SLC30A4: variants seen among roughly 807,000 people sequenced by gnomAD.
SLC30A4 encodes the protein probable proton-coupled zinc antiporter SLC30A4.
In SLC30A4, 20 loss-of-function variants were observed where a neutral mutation model predicts 41.7. That is an observed-to-expected ratio of 0.48 (90% CI 0.34 to 0.70). The LOEUF is 0.70. Among genes scored for constraint, SLC30A4 ranks in the 30% least tolerant of loss-of-function variants. The pLI, the probability that SLC30A4 is intolerant of heterozygous loss-of-function variation, is 0.01. For missense variants in SLC30A4, 441 were observed against 529.3 expected, an observed-to-expected ratio of 0.83 and a Z score of 1.64; for synonymous variants, 181 against 195.9, an observed-to-expected ratio of 0.92 and a Z score of 0.64.
chr15:45,507,368 A>C (rs1047512085), intron 3 of SLC30A4, among the ~76,000 whole-genome samples: 1 of 141,028 alleles, frequency 7.1e-6, no homozygotes, highest in Non-Finnish European at 1.6e-5. Flanking sequence ...AATAAATTTC[A>C]GGAATAATTT....
chr15:45,514,279 G>A (rs1227327483), intron 2 of SLC30A4, among the ~76,000 whole-genome samples: 4 of 151,440 alleles, frequency 2.6e-5, no homozygotes, highest in African/African-American at 9.7e-5. Context: ...AGGAGGCGGA[G>A]GTTACGGGGA....
At chr15:45,488,087 T>A (rs1891743283) in intron 5 of SLC30A4, among the ~76,000 whole-genome samples, 1 of 152,006 alleles carries the variant, frequency 6.6e-6, no homozygotes, top group Non-Finnish European at 1.5e-5. Context: ...TACTCAGCTC[T>A]GGAAAAAGTT....
chr15:45,488,976 G>T lies in SLC30A4; in HGVS notation c.759C>A (p.Ser253=), dbSNP rs1367739498. 1 of 1,613,902 alleles carries T rather than the reference G, an allele frequency of 6.2e-7. No individual in the cohort carries two copies. Among genetic ancestry groups the T allele is most frequent in the African/African-American group, 1.3e-5 (1 of 74,898 alleles). Residue 253 remains serine (S), a synonymous_variant, in exon 5 of 8, where the codon TCC becomes TCA. Coordinates refer to ENST00000261867, the MANE Select transcript of SLC30A4 (RefSeq NM_013309.6). ...GTTCACACCCAGAACCTCTGGTAGG[G>T]GAATTTGAAGGCAGGGAGTGGGAAT... is the stretch of plus-strand genomic sequence containing the variant. The part of the protein sequence containing the change: ...HSHSHSLPSN[S]PTRGSGCERN...
intron 3 of SLC30A4, among the ~76,000 whole-genome samples, chr15:45,501,567 C>T (rs1892035048): frequency 6.6e-6 from 1 of 152,168 alleles, no homozygotes; most frequent in Non-Finnish European, 1.5e-5. Context: ...GTGGCGTGCA[C>T]ATAGCTCACT....
chr15:45,486,835 T>C (rs541461255), intron 6 of SLC30A4, 90 bp from the exon 7 acceptor site: 2 of 699,754 alleles, frequency 2.9e-6, no homozygotes, highest in Non-Finnish European at 4.5e-6. Context: ...AGAAAACAAA[T>C]GGCTTTGCTA....
At chr15:45,494,412 C>T (rs1035492659) in intron 3 of SLC30A4, among the ~76,000 whole-genome samples, 3 of 152,104 alleles carry the variant, frequency 2.0e-5, no homozygotes, top group African/African-American at 7.2e-5. Flanking sequence ...AGGCTGGGTG[C>T]GGTAGCTCAT....
At chr15:45,507,319 C>T in intron 3 of SLC30A4, among the ~76,000 whole-genome samples, 1 of 43,246 alleles carries the variant, frequency 2.3e-5, no homozygotes, top group East Asian at 7.8e-4. Flanking sequence ...GACTCTGTCT[C>T]AAAAATAAAT....
chr15:45,493,453 T>C (rs1044294784), intron 3 of SLC30A4, among the ~76,000 whole-genome samples: 2 of 152,212 alleles, frequency 1.3e-5, no homozygotes, highest in East Asian at 3.8e-4. Context: ...CACATTTTCA[T>C]TTCAATTTAT....
chr15:45,520,845 A>T, intron 2 of SLC30A4: 1 of 339,126 alleles, frequency 2.9e-6, no homozygotes, highest in South Asian at 2.5e-5. Flanking sequence ...TGCCTAAATG[A>T]GTCACAATGT....
intron 2 of SLC30A4, chr15:45,515,799 G>C (rs567232097): frequency 1.9e-4 from 28 of 150,408 alleles, no homozygotes; most frequent in South Asian, 1.0e-3. Flanking sequence ...CCAGGCTGGA[G>C]AGCAATTGCA....
At chr15:45,505,242 A>G (rs1349976621) in intron 3 of SLC30A4, among the ~76,000 whole-genome samples, 1 of 151,242 alleles carries the variant, frequency 6.6e-6, no homozygotes, top group Non-Finnish European at 1.5e-5. Flanking sequence ...AAAAATTAAA[A>G]AAAAAAAAAA....
Position 45,522,449 on chromosome 15 carries a change from G to A in SLC30A4, c.-95C>T. The A allele has an allele frequency of 8.4e-7, 1 of 1,190,022 alleles. No homozygotes were observed. Among genetic ancestry groups the A allele is most frequent in the Non-Finnish European group, 1.2e-6 (1 of 864,114 alleles). 73.7% of individuals were successfully genotyped at this position (1,190,022 alleles called of 1,614,324 possible). ...CGGAGCGCCAGTTCTCGAGGGCAGT[G>A]CCGCGCGTCCCTCCCCATCCTGTGG... On this transcript the variant is annotated 5_prime_UTR_variant, in exon 2 of 8. Transcript: ENST00000261867.
chr15:45,510,204 A>G (rs1854629877), intron 3 of SLC30A4, among the ~76,000 whole-genome samples: 1 of 151,378 alleles, frequency 6.6e-6, no homozygotes, highest in Non-Finnish European at 1.5e-5. Flanking sequence ...AAAGAAACAA[A>G]AAGTTTACTG....
chr15:45,519,105 T>A (rs994020366), intron 2 of SLC30A4, among the ~76,000 whole-genome samples: 2 of 151,576 alleles, frequency 1.3e-5, no homozygotes, highest in Non-Finnish European at 2.9e-5. Context: ...GCTCTCAAAC[T>A]CCTGACCTCA....
intron 3 of SLC30A4, among the ~76,000 whole-genome samples, chr15:45,508,979 T>G (rs373681797): frequency 1.3e-5 from 2 of 152,230 alleles, no homozygotes; most frequent in African/African-American, 4.8e-5. Context: ...AGTGTTTCAC[T>G]GCTTTCATCA....
At chr15:45,494,967 T>C (rs1326390891) in intron 3 of SLC30A4, among the ~76,000 whole-genome samples, 1 of 152,080 alleles carries the variant, frequency 6.6e-6, no homozygotes, top group Non-Finnish European at 1.5e-5. Context: ...AAGACCAGCC[T>C]GAGCAACACA....
At chr15:45,486,492 T>C (rs991370094) in intron 7 of SLC30A4, 119 bp downstream of exon 7, 14 of 935,368 alleles carry the variant, frequency 1.5e-5, no homozygotes, top group Non-Finnish European at 2.2e-5. Context: ...CAAAGGCTTT[T>C]GTCTTAAAAC....
At chr15:45,498,549 G>C (rs1248400107) in intron 3 of SLC30A4, among the ~76,000 whole-genome samples, 3 of 151,928 alleles carry the variant, frequency 2.0e-5, no homozygotes, top group Non-Finnish European at 4.4e-5. Context: ...TTTGTCTTTC[G>C]ATCTCCCCTT....
intron 3 of SLC30A4, among the ~76,000 whole-genome samples, chr15:45,494,674 C>G (rs1399249729): frequency 1.3e-5 from 2 of 151,238 alleles, no homozygotes; most frequent in Non-Finnish European, 2.9e-5. Context: ...GGTGGCAGAG[C>G]GAGACTCTGT....
Sources: gnomAD v4.1 joint callset for allele counts (sites outside exome capture counted in the v4.1 genomes callset) on GRCh38, gnomAD v4.1.1 for gene constraint, MANE v1.5 for transcripts, NCBI Gene and HGNC (gene_info 2026-07-23, HGNC 2026-07-21) for gene names.